NPSR1: variants seen among roughly 807,000 people sequenced by gnomAD.
The protein encoded by NPSR1 is neuropeptide S receptor 1.
Under a neutral mutation model 46.9 loss-of-function variants are expected in NPSR1, and 48 were observed. The observed-to-expected ratio is 1.02, with a 90% CI of 0.81 to 1.30. The LOEUF is 1.30. NPSR1 is among the 50% of genes most tolerant of loss of function. The probability of loss-of-function intolerance (pLI) is 0.00; values close to 1 mark genes in which losing one functional copy is unlikely to be tolerated. For missense variants in NPSR1, 450 were observed against 449.5 expected, an observed-to-expected ratio of 1.00 and a Z score of -0.01; for synonymous variants, 176 against 168.1, an observed-to-expected ratio of 1.05 and a Z score of -0.36.
chr7:34,721,126 G>T (rs1783835047), intron 2 of NPSR1, among the ~76,000 whole-genome samples: 1 of 152,164 alleles, frequency 6.6e-6, no homozygotes, highest in Admixed American at 6.5e-5. Flanking sequence ...TAAAGGAATA[G>T]GATGGTAAGA....
chr7:34,811,897 G>C lies in NPSR1; in HGVS notation c.478+34G>C, dbSNP rs775600288. On this transcript the variant is annotated intron_variant, in intron 4 of 8. Transcript: ENST00000360581. ...GCTTTACCAGGTGCTCTTTCATAAA[G>C]AACTGTCCTTGAGTGAGGGTAGGAT... 10 of 1,416,230 alleles carry C rather than the reference G, an allele frequency of 7.1e-6. No individual in the cohort carries two copies. In the Admixed American group the frequency reaches 1.5e-4, roughly 22 times the overall value. 87.7% of individuals were successfully genotyped at this position (1,416,230 alleles called of 1,614,324 possible).
chr7:34,699,798 A>C (rs1017302055), intron 2 of NPSR1, among the ~76,000 whole-genome samples: 1 of 152,192 alleles, frequency 6.6e-6, no homozygotes, highest in African/African-American at 2.4e-5. Flanking sequence ...TCAACATATA[A>C]ATTTTAGGGG....
At chr7:34,710,065 C>A (rs1260383369) in intron 2 of NPSR1, among the ~76,000 whole-genome samples, 1 of 152,204 alleles carries the variant, frequency 6.6e-6, no homozygotes, top group Non-Finnish European at 1.5e-5. Context: ...CAAGCACCTG[C>A]AGTAGCTCTC....
chr7:34,667,203 G>A (rs1001293697), intron 1 of NPSR1, among the ~76,000 whole-genome samples: 1 of 152,212 alleles, frequency 6.6e-6, no homozygotes, highest in South Asian at 2.1e-4. Context: ...GCAGGCAGGT[G>A]TGGACCTTCA....
chr7:34,851,253 C>T (rs1237834305), downstream of NPSR1, among the ~76,000 whole-genome samples: 1 of 150,142 alleles, frequency 6.7e-6, no homozygotes, highest in Non-Finnish European at 1.5e-5. Flanking sequence ...AATAGCACTC[C>T]ATTCCTCATT....
chr7:34,834,411 T>C lies in NPSR1; in HGVS notation c.708T>C (p.Thr236=), dbSNP rs1470507052. Reference sequence around the variant, plus strand: ...TCATGTATGGCATTGTGATCCGAACTATTTGGATTAAAAGCAAAACCTACG... The same window carrying C: ...TCATGTATGGCATTGTGATCCGAACCATTTGGATTAAAAGCAAAACCTACG... ...ISIMYGIVIR[T]IWIKSKTYET... The change falls in exon 6 of 9, where the codon ACT becomes ACC. Residue 236 remains threonine, a synonymous_variant. Coordinates refer to ENST00000360581, the MANE Select transcript of NPSR1 (RefSeq NM_207172.2). 1.2e-6 allele frequency: 2 copies of C among 1,613,784 alleles called. No homozygotes were observed. Among genetic ancestry groups the C allele is most frequent in the South Asian group, 2.2e-5 (2 of 91,060 alleles).
intron 8 of NPSR1, among the ~76,000 whole-genome samples, chr7:34,855,968 T>C (rs1791039500): frequency 6.6e-6 from 1 of 152,146 alleles, no homozygotes; most frequent in Admixed American, 6.5e-5. Context: ...GCTCCAATTA[T>C]AAGATATTCA....
intron 2 of NPSR1, among the ~76,000 whole-genome samples, chr7:34,699,237 T>C (rs1218838379): frequency 6.6e-6 from 1 of 152,156 alleles, no homozygotes; most frequent in Non-Finnish European, 1.5e-5. Context: ...CCCAGCACTT[T>C]GGGAGGCTTT....
chr7:34,694,409 C>CA (rs893202265), intron 2 of NPSR1, among the ~76,000 whole-genome samples: 3 of 151,592 alleles, frequency 2.0e-5, no homozygotes, highest in East Asian at 1.9e-4. Context: ...ACAATAGCCA[C>CA]AAAAAATAAA....
chr7:34,837,417 A>G (rs1350160232), intron 6 of NPSR1, among the ~76,000 whole-genome samples: 1 of 152,232 alleles, frequency 6.6e-6, no homozygotes, highest in African/African-American at 2.4e-5. Context: ...AGTCAGAGGG[A>G]CAGATGGAGC....
At position 34,844,965 on chromosome 7, in the gene NPSR1, GCAT is replaced by G. The variant is rs766351959; in HGVS notation, c.837_839del (p.Ile280del). 1.9e-6 allele frequency: 3 copies of G among 1,611,314 alleles called. No homozygotes were observed. The highest frequency in any genetic ancestry group is 2.5e-6 in the Non-Finnish European group (3 of 1,177,436). On this transcript the variant is annotated inframe_deletion, in exon 7 of 9. Coordinates refer to ENST00000360581, the MANE Select transcript of NPSR1 (RefSeq NM_207172.2). ...GCAAAAATCAAGGCTATCAAGTATA[GCAT>G]CATCATCATTCTTGGTAAGCAATGT...
At position 34,759,885 on chromosome 7, in the gene NPSR1, C is replaced by T. The variant is rs575517275; in HGVS notation, c.281-18577C>T. Among the ~76,000 whole-genome samples, 7 of 152,314 alleles carry T rather than the reference C, an allele frequency of 4.6e-5. No homozygotes were observed. The South Asian group carries it at 1.2e-3, about 27-fold the overall frequency. The stretch of plus-strand genomic sequence containing the variant: ...AATTTCCTGCACAGGACCATCTATC[C>T]TAACACAGAATTGCCCCATAAGTAG... On this transcript the variant is annotated intron_variant, in intron 2 of 8. Transcript: ENST00000360581.
chr7:34,796,860 C>A (rs751455419), intron 3 of NPSR1, among the ~76,000 whole-genome samples: 1 of 152,178 alleles, frequency 6.6e-6, no homozygotes, highest in Admixed American at 6.6e-5. Context: ...TATATTCCCA[C>A]AAACACCTGC....
chr7:34,753,549 T>C (rs1785655860), intron 2 of NPSR1: 1 of 152,050 alleles, frequency 6.6e-6, no homozygotes, highest in Non-Finnish European at 1.5e-5. Context: ...TTGGCATCAG[T>C]ATGGTTACCC....
At chr7:34,821,254 C>G in intron 4 of NPSR1, among the ~76,000 whole-genome samples, 1 of 151,600 alleles carries the variant, frequency 6.6e-6, no homozygotes, top group East Asian at 1.9e-4. Flanking sequence ...TGTGCCTCAG[C>G]CTCCCGAGTA....
At chr7:34,798,508 C>T (rs1015350825) in intron 3 of NPSR1, among the ~76,000 whole-genome samples, 2 of 152,092 alleles carry the variant, frequency 1.3e-5, no homozygotes, top group Non-Finnish European at 1.5e-5. Flanking sequence ...ACACTCCAGC[C>T]TGGGTGACAG....
intron 2 of NPSR1, among the ~76,000 whole-genome samples, chr7:34,770,776 A>G (rs985333184): frequency 6.6e-6 from 1 of 152,148 alleles, no homozygotes; most frequent in Non-Finnish European, 1.5e-5. Context: ...TATAATTTAT[A>G]AACAGAAATT....
chr7:34,779,681 A>C (rs1787145214), intron 3 of NPSR1: 1 of 747,872 alleles, frequency 1.3e-6, no homozygotes. Flanking sequence ...GTATTTTCTC[A>C]GGGGAAATTT....
intron 8 of NPSR1, among the ~76,000 whole-genome samples, chr7:34,870,290 T>C (rs1478017972): frequency 2.0e-5 from 3 of 151,672 alleles, no homozygotes; most frequent in Non-Finnish European, 4.4e-5. Flanking sequence ...CTCATCAATA[T>C]CCCCAGCCCC....
Sources: gnomAD v4.1 joint callset for allele counts (sites outside exome capture counted in the v4.1 genomes callset) on GRCh38, gnomAD v4.1.1 for gene constraint, MANE v1.5 for transcripts, NCBI Gene and HGNC (gene_info 2026-07-23, HGNC 2026-07-21) for gene names.